The following GRID2 variants were observed in gnomAD, a reference collection of about 807,000 sequenced individuals.
GRID2 encodes the protein glutamate receptor ionotropic, delta-2.
GRID2 carries 33 observed loss-of-function variants against 114.8 expected under a neutral mutation model. The ratio of observed to expected loss-of-function variants is 0.29; its 90% CI spans 0.22 to 0.38. The LOEUF (loss-of-function observed/expected upper bound fraction) is 0.38. GRID2 is among the 10% of genes least tolerant of loss of function. The pLI is 1.00. For synonymous variants in GRID2, 505 were observed against 449.9 expected (o/e 1.12, Z -1.55); for missense variants, 1,184 against 1,257.7 (o/e 0.94, Z 0.89).
At position 93,218,629 on chromosome 4, in the gene GRID2, T is replaced by TCATATATATATA. The variant is rs1744513057; in HGVS notation, c.963+1718_963+1719insCATATATATATA. On this transcript the variant is annotated intron_variant, in intron 6 of 15. Transcript: ENST00000282020. Reference sequence around the variant, plus strand: ...TTTGGATCTGTGTGAATATATATGTTTGAATGTAATTAAGGAGAAGGCAAT... The same window carrying TCATATATATATA: ...TTTGGATCTGTGTGAATATATATGTTCATATATATATATGAATGTAATTAAGGAGAAGGCAAT... 3.9e-5 allele frequency among the ~76,000 whole-genome samples: 6 copies of TCATATATATATA among 152,304 alleles called. No individual in the cohort carries two copies. In the South Asian group the frequency reaches 1.2e-3, roughly 32 times the overall value.
rs72887675 is a variant in GRID2 at position 93,142,965 on chromosome 4, C to T, written c.735+32012C>T. Among the ~76,000 whole-genome samples the T allele has an allele frequency of 7.0e-3, 1,073 of 152,238 alleles. 18 individuals are homozygous for T. The highest frequency in any genetic ancestry group is 0.025 in the African/African-American group (1,027 of 41,528). ...GGTTTCACATATTTCCCAGGTCACACAAGAGACAGGGTGGAGGACCCAAAT... is the reference window on the plus strand; with the variant it reads ...GGTTTCACATATTTCCCAGGTCACATAAGAGACAGGGTGGAGGACCCAAAT... On this transcript the variant is annotated intron_variant, in intron 4 of 15. Transcript: ENST00000282020.
At chr4:93,614,132 C>G (rs1031301428) in intron 13 of GRID2, among the ~76,000 whole-genome samples, 2 of 152,194 alleles carry the variant, frequency 1.3e-5, no homozygotes, top group South Asian at 2.1e-4. Flanking sequence ...TGACCCCTTG[C>G]GCTTCCCAGG....
rs1451174787 is a variant in GRID2, at chr4:92,445,824, A to G, written c.88+141080A>G. Among the ~76,000 whole-genome samples, 3 of 152,326 alleles carry G rather than the reference A, an allele frequency of 2.0e-5. No homozygotes were observed. In the East Asian group the frequency reaches 5.8e-4, roughly 29 times the overall value. Reference sequence around the variant, plus strand: ...AGTGCGTAATTCTAAACTTTTTCCAATTAACATTTTTAGCTCTGCTATTGT... The same window carrying G: ...AGTGCGTAATTCTAAACTTTTTCCAGTTAACATTTTTAGCTCTGCTATTGT... On this transcript the variant is annotated intron_variant, in intron 1 of 15. Transcript: ENST00000282020.
chr4:93,692,037 GAAGTCAAAA>G (rs1490027917), intron 14 of GRID2, among the ~76,000 whole-genome samples: 1 of 151,862 alleles, frequency 6.6e-6, no homozygotes, highest in African/African-American at 2.4e-5. Flanking sequence ...TGGAAATCAA[GAAGTCAAAA>G]AAGTCAAAAA....
At chr4:92,693,343 C>A (rs907081891) in intron 2 of GRID2, among the ~76,000 whole-genome samples, 1 of 152,188 alleles carries the variant, frequency 6.6e-6, no homozygotes, top group Non-Finnish European at 1.5e-5. Context: ...GTAGTGATTT[C>A]TAAATTAAAA....
In GRID2 at chr4:93,042,926, A is replaced by G. The variant is rs115445194; in HGVS notation, c.245-42069A>G. Among the ~76,000 whole-genome samples the G allele has an allele frequency of 1.4e-3, 210 of 152,050 alleles. 1 individual carries two copies. The highest frequency in any genetic ancestry group is 5.0e-3 in the African/African-American group (207 of 41,512). ...AGAGACCAGTATTGCTTACTATTGC[A>G]GTAATACAGTCATGAGATTATGAGG... On this transcript the variant is annotated intron_variant, in intron 2 of 15. Coordinates refer to ENST00000282020, the MANE Select transcript of GRID2 (RefSeq NM_001510.4).
At chr4:93,145,644 C>CTTT (rs10605313) in intron 4 of GRID2, among the ~76,000 whole-genome samples, 21 of 45,708 alleles carry the variant, frequency 4.6e-4, no homozygotes, top group Admixed American at 8.2e-4. Context: ...TTCTTTTTTC[C>CTTT]TTTTTTTTTT....
chr4:92,861,646 A>T (rs890122969), intron 2 of GRID2, among the ~76,000 whole-genome samples: 4 of 152,058 alleles, frequency 2.6e-5, no homozygotes, highest in Non-Finnish European at 5.9e-5. Flanking sequence ...TGGCTTGGTT[A>T]CTACTACATT....
intron 4 of GRID2, among the ~76,000 whole-genome samples, chr4:93,143,666 C>T (rs1392909520): frequency 2.6e-5 from 4 of 152,168 alleles, no homozygotes; most frequent in African/African-American, 9.6e-5. Context: ...TATCATTAAA[C>T]TCAACTGTTT....
intron 1 of GRID2, among the ~76,000 whole-genome samples, chr4:92,550,484 A>AT (rs1560705733): frequency 5.4e-4 from 83 of 152,304 alleles, no homozygotes; most frequent in African/African-American, 1.9e-3. Context: ...CTTAGAGGCA[A>AT]CCCATTTTTT....
At chr4:92,374,697 G>C (rs1729274789) in intron 1 of GRID2, among the ~76,000 whole-genome samples, 1 of 152,158 alleles carries the variant, frequency 6.6e-6, no homozygotes, top group East Asian at 1.9e-4. Flanking sequence ...GGTAACTTTT[G>C]AGATTGGGTA....
chr4:93,546,732 C>A (rs1470125146), intron 13 of GRID2, among the ~76,000 whole-genome samples: 2 of 152,118 alleles, frequency 1.3e-5, no homozygotes, highest in Admixed American at 1.3e-4. Flanking sequence ...AAAGATGCAG[C>A]GGAGTCATGT....
chr4:93,182,219 AT>A (rs1739958901), intron 4 of GRID2, among the ~76,000 whole-genome samples: 5 of 152,136 alleles, frequency 3.3e-5, no homozygotes, highest in Admixed American at 3.3e-4. Flanking sequence ...GGCCTATTTA[AT>A]TTCCTCTTAA....
intron 4 of GRID2, among the ~76,000 whole-genome samples, chr4:93,160,114 T>C (rs1737549452): frequency 6.6e-6 from 1 of 151,668 alleles, no homozygotes. Context: ...CAATACCAGA[T>C]AAAATACATA....
chr4:93,517,954 T>TGTATGTATATACATACATGTAC (rs1369146255), intron 13 of GRID2, among the ~76,000 whole-genome samples: 24 of 43,410 alleles, frequency 5.5e-4, no homozygotes, highest in Admixed American at 1.5e-3. Flanking sequence ...CATACATGTA[T>TGTATGTATATACATACATGTAC]ATGTATGTAT....
At chr4:93,537,758 C>G (rs958555561) in intron 13 of GRID2, among the ~76,000 whole-genome samples, 1 of 151,762 alleles carries the variant, frequency 6.6e-6, no homozygotes, top group Non-Finnish European at 1.5e-5. Context: ...TCCTTAACCT[C>G]TATTGACTAA....
At position 92,868,016 on chromosome 4, in the gene GRID2, TTTTCTTTCTTTCTTTC is replaced by T. The variant is rs57222462; in HGVS notation, c.245-216941_245-216926del. Among the ~76,000 whole-genome samples the T allele has an allele frequency of 4.2e-3, 562 of 132,892 alleles. 4 individuals carry two copies. Among genetic ancestry groups the T allele is most frequent in the African/African-American group, 8.5e-3 (302 of 35,422 alleles). The allele number at this position is 132,892 out of a possible 152,430, so 87.2% of individuals were successfully genotyped here. A position where few individuals can be genotyped will look rare whatever the true frequency, so the allele number is the denominator to read the frequency against. On this transcript the variant is annotated intron_variant, in intron 2 of 15. Coordinates refer to ENST00000282020, the MANE Select transcript of GRID2 (RefSeq NM_001510.4). Reference sequence around the variant, plus strand: ...GTGATAGGCAAATGATACTGAAAGGTTTTCTTTCTTTCTTTCTTTCTTTCTTTCTTTCTTTCTTTCT... The same window carrying T: ...GTGATAGGCAAATGATACTGAAAGGTTTTCTTTCTTTCTTTCTTTCTTTCT...
At chr4:92,745,829 C>T (rs1247505140) in intron 2 of GRID2, among the ~76,000 whole-genome samples, 1 of 151,566 alleles carries the variant, frequency 6.6e-6, no homozygotes, top group Non-Finnish European at 1.5e-5. Flanking sequence ...AAATTCAATG[C>T]TATAAAGTAA....
intron 8 of GRID2, among the ~76,000 whole-genome samples, chr4:93,263,052 C>A (rs1750428653): frequency 6.6e-6 from 1 of 151,882 alleles, no homozygotes; most frequent in Non-Finnish European, 1.5e-5. Context: ...GTTTCCATTT[C>A]TGTTATTACT....
Sources: gnomAD v4.1 joint callset for allele counts (sites outside exome capture counted in the v4.1 genomes callset) on GRCh38, gnomAD v4.1.1 for gene constraint, MANE v1.5 for transcripts, NCBI Gene and HGNC (gene_info 2026-07-23, HGNC 2026-07-21) for gene names.